Variants in NRG1 observed in about 807,000 individuals in gnomAD.
NRG1 encodes the protein pro-neuregulin-1, membrane-bound isoform.
Under a neutral mutation model 63.8 loss-of-function variants are expected in NRG1, and 18 were observed. The observed-to-expected ratio is 0.28, with a 90% CI of 0.19 to 0.42. The LOEUF (loss-of-function observed/expected upper bound fraction) is 0.42, where lower values mean the gene tolerates loss of function less well. Ranked by LOEUF, NRG1 falls within the 10% of genes least tolerant of loss-of-function variation. The pLI is 1.00. For missense variants in NRG1, 762 were observed against 814.7 expected, an observed-to-expected ratio of 0.94 and a Z score of 0.79; for synonymous variants, 302 against 301.3, an observed-to-expected ratio of 1.00 and a Z score of -0.02.
intron 1 of NRG1, among the ~76,000 whole-genome samples, chr8:32,553,998 A>T (rs577571891): frequency 1.3e-5 from 2 of 152,312 alleles, no homozygotes; most frequent in South Asian, 4.1e-4. Flanking sequence ...AACAGTACTG[A>T]TAGTTTATCA....
At position 31,872,785 on chromosome 8, in the gene NRG1, T is replaced by C. The variant is rs556713671; in HGVS notation, c.37+233354T>C. ...TCAAAACATTTTGAAAACAGTGCTA[T>C]GTAAACTTGGGATGACAAATAATGA... is the stretch of plus-strand genomic sequence containing the variant. On this transcript the variant is annotated intron_variant, in intron 1 of 10. Coordinates refer to the NRG1 transcript ENST00000519301. Among the ~76,000 whole-genome samples the C allele has an allele frequency of 1.4e-4, 22 of 152,320 alleles. No individual in the cohort carries two copies. In the South Asian group the frequency reaches 4.6e-3, roughly 32 times the overall value.
exon 6 of NRG1, chr8:32,727,984 G>A: frequency 6.2e-7 from 1 of 1,614,064 alleles, no homozygotes; most frequent in South Asian, 1.1e-5. Context: ...AAGCCATCTT[G>A]TAAAATGTGC....
chr8:32,039,328 C>G (rs1819564098), intron 1 of NRG1, among the ~76,000 whole-genome samples: 1 of 152,130 alleles, frequency 6.6e-6, no homozygotes, highest in Non-Finnish European at 1.5e-5. Context: ...TAGTGTTGGT[C>G]TCAAATAACT....
intron 1 of NRG1, among the ~76,000 whole-genome samples, chr8:31,945,628 C>T (rs994161268): frequency 5.9e-5 from 9 of 152,206 alleles, no homozygotes; most frequent in African/African-American, 2.2e-4. Flanking sequence ...CTGCCATTTG[C>T]AGCACAAACT....
chr8:31,933,860 A>G (rs1007077695), intron 1 of NRG1, among the ~76,000 whole-genome samples: 3 of 152,222 alleles, frequency 2.0e-5, no homozygotes, highest in Non-Finnish European at 4.4e-5. Flanking sequence ...CAATAGTAAC[A>G]TTGAATATTC....
chr8:32,464,721 A>C (rs987156750), intron 1 of NRG1, among the ~76,000 whole-genome samples: 1 of 152,196 alleles, frequency 6.6e-6, no homozygotes, highest in South Asian at 2.1e-4. Flanking sequence ...TTAAACCAGA[A>C]CTCATGGATA....
Position 32,595,898 on chromosome 8 carries a change from T to A in NRG1, c.171T>A (p.Cys57Ter), listed in dbSNP as rs1843263568. 6.2e-7 allele frequency: 1 copy of A among 1,613,792 alleles called. No individual in the cohort carries two copies. Among genetic ancestry groups the A allele is most frequent in the South Asian group, 1.1e-5 (1 of 91,074 alleles). ...CAGGTTCCAAACTAGTCCTTCGGTG[T>A]GAAACCAGTTCTGAATACTCCTCTC... The change falls in exon 2 of 12, where the codon TGT becomes TGA. Residue 57 changes from cysteine to a stop codon, truncating the protein, a stop_gained. Transcript: ENST00000356819. LOFTEE classifies it high-confidence loss of function.
chr8:32,448,788 T>A (rs2129487940), intron 1 of NRG1, among the ~76,000 whole-genome samples: 1 of 152,268 alleles, frequency 6.6e-6, no homozygotes, highest in Non-Finnish European at 1.5e-5. Context: ...AGCCCAAATA[T>A]AAGCTGACAA....
intron 5 of NRG1, among the ~76,000 whole-genome samples, chr8:32,711,210 T>G (rs1817713584): frequency 6.6e-6 from 1 of 151,906 alleles, no homozygotes; most frequent in Admixed American, 6.6e-5. Context: ...CCATTTAACT[T>G]TTTTCAGCCT....
intron 1 of NRG1, among the ~76,000 whole-genome samples, chr8:31,855,417 A>C (rs1004253102): frequency 1.4e-3 from 209 of 152,160 alleles, no homozygotes; most frequent in Non-Finnish European, 2.5e-3. Context: ...CTGTTTTATC[A>C]GAGACTAGGA....
At chr8:32,574,863 C>T (rs1401885025) in intron 1 of NRG1, among the ~76,000 whole-genome samples, 1 of 152,190 alleles carries the variant, frequency 6.6e-6, no homozygotes, top group African/African-American at 2.4e-5. Flanking sequence ...GTTTACACTA[C>T]AGCTTTGCCA....
intron 1 of NRG1, among the ~76,000 whole-genome samples, chr8:32,131,601 C>T (rs1834832376): frequency 6.6e-6 from 1 of 151,996 alleles, no homozygotes; most frequent in Admixed American, 6.6e-5. Flanking sequence ...ATTTTCACTT[C>T]TTCTAAGGGT....
In NRG1 at chr8:32,330,647, G is replaced by A. The variant is rs181791245; in HGVS notation, c.38-265181G>A. Reference sequence around the variant, plus strand: ...TCATTGGGGTTGACCCCAGGAAAAGGTATGGTTTGGGGTAAGAGGACTCTT... The same window carrying A: ...TCATTGGGGTTGACCCCAGGAAAAGATATGGTTTGGGGTAAGAGGACTCTT... On this transcript the variant is annotated intron_variant, in intron 1 of 10. Coordinates refer to the NRG1 transcript ENST00000519301. Among the ~76,000 whole-genome samples, 226 of 152,318 alleles carry A rather than the reference G, an allele frequency of 1.5e-3. 1 individual carries two copies. The highest frequency in any genetic ancestry group is 3.4e-3 in the Middle Eastern group (1 of 294).
rs1828346962 is a variant in NRG1 at position 31,860,245 on chromosome 8, T to A, written c.37+220814T>A. 1.3e-5 allele frequency among the ~76,000 whole-genome samples: 2 copies of A among 152,230 alleles called. 1 individual carries two copies. Among genetic ancestry groups the A allele is most frequent in the South Asian group, 4.1e-4 (2 of 4,830 alleles). ...AATCTATTCTGAGTTCCTTAAATGC[T>A]ATTGTAACAATGTCAGGGGCCAAGT... is the stretch of plus-strand genomic sequence containing the variant. On this transcript the variant is annotated intron_variant, in intron 1 of 10. Coordinates refer to the NRG1 transcript ENST00000519301.
intron 1 of NRG1, among the ~76,000 whole-genome samples, chr8:32,443,199 C>T (rs1337922283): frequency 1.3e-5 from 2 of 152,142 alleles, no homozygotes; most frequent in Non-Finnish European, 2.9e-5. Context: ...ACCTTGGCTT[C>T]CCAAAGTGCT....
At chr8:32,650,188 G>A (rs1854687272) in intron 5 of NRG1, among the ~76,000 whole-genome samples, 1 of 152,058 alleles carries the variant, frequency 6.6e-6, no homozygotes, top group Admixed American at 6.6e-5. Flanking sequence ...TCTACTAAGT[G>A]TTTTAGTAGA....
intron 1 of NRG1, among the ~76,000 whole-genome samples, chr8:32,412,420 C>CATATATATATATATATA (rs1815116027): frequency 2.4e-5 from 1 of 41,818 alleles, no homozygotes; most frequent in Non-Finnish European, 5.7e-5. Flanking sequence ...CTCTCTCTCT[C>CATATATATATATATATA]TACATATATA....
intron 5 of NRG1, among the ~76,000 whole-genome samples, chr8:32,709,795 A>G (rs10095556): frequency 0.25 from 38,181 of 152,040 alleles, 5,697 homozygotes; most frequent in African/African-American, 0.42. Context: ...ATTTTAAATG[A>G]GTGAAGATAA....
chr8:31,905,434 C>G (rs1832443880), intron 1 of NRG1, among the ~76,000 whole-genome samples: 1 of 152,182 alleles, frequency 6.6e-6, no homozygotes, highest in African/African-American at 2.4e-5. Context: ...AACTATTATA[C>G]ATGATAATTG....
Sources: allele counts gnomAD v4.1 joint callset (sites outside exome capture counted in the v4.1 genomes callset), GRCh38; gene constraint gnomAD v4.1.1; transcripts MANE v1.5; gene names NCBI Gene and HGNC (gene_info 2026-07-23, HGNC 2026-07-21).